VWA8: variants seen among roughly 807,000 people sequenced by gnomAD.
VWA8 encodes von Willebrand factor A domain containing 8.
VWA8 carries 221 observed loss-of-function variants against 241.5 expected under a neutral mutation model. That is an observed-to-expected ratio of 0.91 (90% CI 0.82 to 1.02). The LOEUF (loss-of-function observed/expected upper bound fraction) is 1.02. Among genes scored for constraint, VWA8 ranks in the 50% least tolerant of loss-of-function variants. The probability of loss-of-function intolerance (pLI) is 0.00; values close to 1 mark genes in which losing one functional copy is unlikely to be tolerated. For missense variants in VWA8, 2,322 were observed against 2,328.7 expected (o/e 1.00, Z 0.06); for synonymous variants, 852 against 827.1 (o/e 1.03, Z -0.52).
At chr13:41,948,955 A>G (rs1256655548) in intron 2 of VWA8, among the ~76,000 whole-genome samples, 1 of 151,476 alleles carries the variant, frequency 6.6e-6, no homozygotes, top group Admixed American at 6.6e-5. Flanking sequence ...GAAAAAAAAT[A>G]CATACACACA....
intron 2 of VWA8, among the ~76,000 whole-genome samples, chr13:41,945,979 A>T (rs1398748561): frequency 6.6e-6 from 1 of 152,192 alleles, no homozygotes; most frequent in East Asian, 1.9e-4. Context: ...ATCCACAGTC[A>T]AACTATCAAA....
intron 9 of VWA8, among the ~76,000 whole-genome samples, chr13:41,873,347 G>T (rs929212537): frequency 4.6e-5 from 7 of 152,052 alleles, no homozygotes; most frequent in African/African-American, 1.4e-4. Context: ...CAGAACTGAA[G>T]GAAATTGAGA....
intron 24 of VWA8, among the ~76,000 whole-genome samples, chr13:41,722,677 T>C (rs2045402491): frequency 1.3e-5 from 2 of 152,040 alleles, no homozygotes; most frequent in Admixed American, 6.6e-5. Flanking sequence ...ATTAGGACAG[T>C]AGAAATGGTG....
intron 37 of VWA8, among the ~76,000 whole-genome samples, chr13:41,632,100 A>G (rs901264753): frequency 1.3e-5 from 2 of 152,222 alleles, no homozygotes; most frequent in Non-Finnish European, 2.9e-5. Context: ...TTAGCAAAGC[A>G]TAACAACCTT....
In VWA8 at chr13:41,960,903, C is replaced by A; in HGVS notation, c.113G>T (p.Arg38Met). Residue 38 changes from arginine (R) to methionine (M), a missense_variant, in exon 1 of 45, where the codon AGG (arginine) becomes ATG (methionine). Transcript: ENST00000379310. Reference protein sequence around the residue: ...QVVQRRPGGDRQRPEVRLLHA... With the variant: ...QVVQRRPGGDMQRPEVRLLHA... ...CAACAGTCTGACCTCCGGCCGCTGC[C>A]TGTCGCCACCCGGCCTGCGCTGCAC... 1 of 1,513,270 alleles carries A rather than the reference C, an allele frequency of 6.6e-7. No homozygotes were observed. Among genetic ancestry groups the A allele is most frequent in the Non-Finnish European group, 8.8e-7 (1 of 1,137,216 alleles). The allele number at this position is 1,513,270 out of a possible 1,614,324, so 93.7% of individuals were successfully genotyped here. A position where few individuals can be genotyped will look rare whatever the true frequency, so the allele number is the denominator to read the frequency against.
intron 2 of VWA8, among the ~76,000 whole-genome samples, chr13:41,927,553 A>C (rs1308320318): frequency 6.6e-6 from 1 of 152,028 alleles, no homozygotes; most frequent in African/African-American, 2.4e-5. Flanking sequence ...AAAAAAAAAA[A>C]CTATAAGATG....
chr13:41,806,103 C>A (rs1300569164), intron 17 of VWA8, among the ~76,000 whole-genome samples: 1 of 150,564 alleles, frequency 6.6e-6, no homozygotes, highest in Non-Finnish European at 1.5e-5. Context: ...TACACAAATA[C>A]ATGGAAACTA....
At chr13:41,878,947 CTT>C (rs1016452726) in intron 9 of VWA8, among the ~76,000 whole-genome samples, 2 of 152,058 alleles carry the variant, frequency 1.3e-5, no homozygotes, top group African/African-American at 4.8e-5. Context: ...CACTGAATAT[CTT>C]CTCTCAGTTT....
chr13:41,588,842 TGA>T (rs2044436716), intron 41 of VWA8, among the ~76,000 whole-genome samples: 2 of 152,206 alleles, frequency 1.3e-5, no homozygotes, highest in South Asian at 4.1e-4. Context: ...CGGTGGGTAT[TGA>T]GAGTGTAATG....
intron 2 of VWA8, among the ~76,000 whole-genome samples, chr13:41,912,726 C>T (rs1399676390): frequency 6.6e-6 from 1 of 152,170 alleles, no homozygotes; most frequent in Non-Finnish European, 1.5e-5. Flanking sequence ...CTTAAAACTA[C>T]TTCTTTAGAA....
At chr13:41,731,969 G>T in intron 22 of VWA8, 111 bp downstream of exon 22, 2 of 860,480 alleles carry the variant, frequency 2.3e-6, no homozygotes, top group Admixed American at 2.4e-5. Flanking sequence ...TTTATAAGCA[G>T]CATGAAAACA....
In VWA8 at chr13:41,811,442, G is replaced by A. The variant is rs1341619089; in HGVS notation, c.1948-102C>T. 8.9e-6 allele frequency: 7 copies of A among 789,826 alleles called. No homozygotes were observed. In the East Asian group the frequency reaches 1.1e-4, roughly 13 times the overall value. 48.9% of individuals were successfully genotyped at this position (789,826 alleles called of 1,614,324 possible). On this transcript the variant is annotated intron_variant, in intron 16 of 44. Coordinates refer to ENST00000379310, the MANE Select transcript of VWA8 (RefSeq NM_015058.2). ...GAATTCATTATTACTGAAGGGGTAA[G>A]GCCAAACTTAAAGTATGTGCTGTTA...
chr13:41,944,793 TG>T (rs991473156), intron 2 of VWA8, among the ~76,000 whole-genome samples: 1 of 152,098 alleles, frequency 6.6e-6, no homozygotes, highest in African/African-American at 2.4e-5. Context: ...TCAGAGCTAC[TG>T]TATGCAAACA....
chr13:41,762,766 T>C (rs1315033469), intron 20 of VWA8, among the ~76,000 whole-genome samples: 1 of 152,138 alleles, frequency 6.6e-6, no homozygotes, highest in Non-Finnish European at 1.5e-5. Flanking sequence ...TGGTATTTAT[T>C]GAGCGCCACA....
chr13:41,906,523 T>C (rs1875728974), intron 4 of VWA8, among the ~76,000 whole-genome samples: 2 of 152,302 alleles, frequency 1.3e-5, no homozygotes, highest in East Asian at 3.9e-4. Flanking sequence ...TATCAGTACG[T>C]ACACATTCAT....
chr13:41,849,383 T>G (rs1872428424), intron 12 of VWA8, among the ~76,000 whole-genome samples: 1 of 152,170 alleles, frequency 6.6e-6, no homozygotes, highest in Admixed American at 6.5e-5. Flanking sequence ...GTTATACCCT[T>G]CATTATTTTC....
intron 10 of VWA8, among the ~76,000 whole-genome samples, chr13:41,867,333 T>C (rs930622713): frequency 3.3e-5 from 5 of 152,228 alleles, no homozygotes; most frequent in African/African-American, 1.2e-4. Context: ...ATATCCCCAG[T>C]CATTCCAATG....
At chr13:41,874,159 A>G (rs1198092596) in intron 9 of VWA8, among the ~76,000 whole-genome samples, 1 of 151,632 alleles carries the variant, frequency 6.6e-6, no homozygotes, top group African/African-American at 2.4e-5. Context: ...AACTCTCAAT[A>G]AATTAGGTAT....
chr13:41,732,001 A>C, intron 22 of VWA8, 79 bp downstream of exon 22: 2 of 1,210,694 alleles, frequency 1.7e-6, no homozygotes, highest in South Asian at 1.3e-5. Context: ...AATCCATGAG[A>C]GTTCCATCCT....
Sources: gnomAD v4.1 joint callset for allele counts (sites outside exome capture counted in the v4.1 genomes callset) on GRCh38, gnomAD v4.1.1 for gene constraint, MANE v1.5 for transcripts, NCBI Gene and HGNC (gene_info 2026-07-23, HGNC 2026-07-21) for gene names.